Variants in ATAD3A observed in about 807,000 individuals in gnomAD.
The protein encoded by ATAD3A is ATPase family AAA domain-containing protein 3A.
Under a neutral mutation model 73.8 loss-of-function variants are expected in ATAD3A, and 46 were observed. That is an observed-to-expected ratio of 0.62 (90% CI 0.49 to 0.80). ATAD3A has a LOEUF of 0.80. Ranked by LOEUF, ATAD3A falls within the 30% of genes least tolerant of loss-of-function variation. ATAD3A has a pLI of 0.00. For missense variants in ATAD3A, 705 were observed against 838.0 expected, an observed-to-expected ratio of 0.84 and a Z score of 1.96; for synonymous variants, 319 against 350.0, an observed-to-expected ratio of 0.91 and a Z score of 0.99.
rs1217996571 is a variant in ATAD3A at position 1,512,422 on chromosome 1, C to T, written c.154C>T (p.Pro52Ser). Residue 52 changes from proline (P) to serine (S), a missense_variant, in exon 1 of 16, where the codon CCC (proline) becomes TCC (serine). Physicochemically the swap from Pro to Ser is moderately conservative, Grantham distance 74. Coordinates refer to ENST00000378756, the MANE Select transcript of ATAD3A (RefSeq NM_001170535.3). ...APKDKWSNFDPTGLERAAKAA... is the reference protein window; with the variant it reads ...APKDKWSNFDSTGLERAAKAA... ...CAAGGACAAATGGAGCAACTTCGAC[C>T]CCACCGGCCTGGAGCGCGCCGCCAA... 1.6e-6 allele frequency: 2 copies of T among 1,230,804 alleles called. No homozygotes were observed. The highest frequency in any genetic ancestry group is 6.7e-5 in the East Asian group (2 of 29,650). The allele number at this position is 1,230,804 out of a possible 1,614,324, so 76.2% of individuals were successfully genotyped here.
chr1:1,519,923 C>T (rs1328052358), intron 5 of ATAD3A, among the ~76,000 whole-genome samples: 11 of 152,096 alleles, frequency 7.2e-5, no homozygotes, highest in Non-Finnish European at 1.2e-4. Context: ...AGCCTATTGG[C>T]GGCGTGGGCC....
chr1:1,530,514 A>G (rs748944985), intron 15 of ATAD3A, among the ~76,000 whole-genome samples: 1 of 151,012 alleles, frequency 6.6e-6, no homozygotes, highest in Non-Finnish European at 1.5e-5. Context: ...CCTGGATTAC[A>G]GAGCAAGACC....
At chr1:1,519,878 G>C (rs1413671295) in intron 5 of ATAD3A, among the ~76,000 whole-genome samples, 1 of 152,280 alleles carries the variant, frequency 6.6e-6, no homozygotes, top group African/African-American at 2.4e-5. Context: ...ACCAAGGTCT[G>C]TGTGTGTCTG....
At chr1:1,521,296 C>G (rs904476185) in intron 7 of ATAD3A, among the ~76,000 whole-genome samples, 1 of 69,256 alleles carries the variant, frequency 1.4e-5, no homozygotes, top group Non-Finnish European at 2.4e-5. Context: ...GAGGCTTCTT[C>G]TCAAAAAAAA....
At chr1:1,528,579 G>A (rs1344155902) in intron 14 of ATAD3A, among the ~76,000 whole-genome samples, 1 of 152,264 alleles carries the variant, frequency 6.6e-6, no homozygotes, top group Non-Finnish European at 1.5e-5. Context: ...GGTGGGTGCA[G>A]CAGGCACGGT....
intron 1 of ATAD3A, 91 bp downstream of exon 1, chr1:1,512,564 C>G (rs1281875005): frequency 7.2e-7 from 1 of 1,394,416 alleles, no homozygotes; most frequent in Non-Finnish European, 9.5e-7. Flanking sequence ...TCGCCGCTGT[C>G]GGCAGCCACT....
chr1:1,522,407 C>T (rs1427311388), intron 7 of ATAD3A, among the ~76,000 whole-genome samples: 2 of 152,160 alleles, frequency 1.3e-5, no homozygotes, highest in African/African-American at 4.8e-5. Context: ...AATAAAGTAC[C>T]ATTTTTAGTG....
chr1:1,533,899 T>A (rs1642122790), intron 15 of ATAD3A, 27 bp from the exon 16 acceptor site: 18 of 1,606,998 alleles, frequency 1.1e-5, no homozygotes, highest in Non-Finnish European at 1.5e-5. Flanking sequence ...CATGGCGGCC[T>A]CCCTCAGCTG....
chr1:1,522,224 A>G lies in ATAD3A; in HGVS notation c.751-520A>G, dbSNP rs1352064094. ...CCAGCTAATTTTTTGTATTTTTAGT[A>G]GAGACGGGGTTTCTCCATGTGGGTT... On this transcript the variant is annotated intron_variant, in intron 7 of 15. Coordinates refer to ENST00000378756, the MANE Select transcript of ATAD3A (RefSeq NM_001170535.3). 3.3e-5 allele frequency among the ~76,000 whole-genome samples: 5 copies of G among 152,022 alleles called. No individual in the cohort carries two copies. In the South Asian group the frequency reaches 6.2e-4, roughly 19 times the overall value.
At chr1:1,524,024 G>T in intron 10 of ATAD3A, 60 bp downstream of exon 10, 2 of 1,610,616 alleles carry the variant, frequency 1.2e-6, no homozygotes, top group South Asian at 1.1e-5. Flanking sequence ...CTGCCTGCAG[G>T]TGTCTGGGGG....
At position 1,520,300 on chromosome 1, in the gene ATAD3A, C is replaced by A; in HGVS notation, c.674C>A (p.Ser225Tyr). 4 of 1,612,628 alleles carry A rather than the reference C, an allele frequency of 2.5e-6. No homozygotes were observed. Among genetic ancestry groups the A allele is most frequent in the Non-Finnish European group, 3.4e-6 (4 of 1,179,336 alleles). Residue 225 changes from serine to tyrosine, a missense_variant, in exon 6 of 16, where the codon TCC becomes TAC. By Grantham distance (144) the Ser-to-Tyr change is moderately radical (BLOSUM62 -2). Around this residue, in one of 5 missense-constraint regions of ATAD3A, gnomAD observed 315 missense variants for 334.1 expected, o/e 0.94. Transcript: ENST00000378756. This position sits in a 1 kb window ranked among gnomAD's most constrained non-coding sequence, Gnocchi z 4.0. ...AAEHRQTVLESIRTAGTLFGE... is the reference protein window; with the variant it reads ...AAEHRQTVLEYIRTAGTLFGE... ...GAGCACCGTCAGACCGTCTTGGAGT[C>A]CATCAGGTGAGCACTGCCGAGGCCC...
intron 12 of ATAD3A, 98 bp downstream of exon 12, chr1:1,525,389 C>A: frequency 4.5e-6 from 6 of 1,337,590 alleles, no homozygotes; most frequent in Non-Finnish European, 6.3e-6. Flanking sequence ...TTCTTTTTCT[C>A]TGTAAGCTTT....
In ATAD3A at chr1:1,516,064, G is replaced by T. The variant is rs1641345267; in HGVS notation, c.258G>T (p.Gln86His). ...NLAQMQEQTL[Q>H]LEQQSKLKEY... is the part of the protein sequence containing the mutation. ...CACAGATGCAGGAGCAGACGCTGCA[G>T]TTGGAGCAACAGTCCAAGCTCAAAG... The change falls in exon 2 of 16, where the codon CAG (glutamine) becomes CAT (histidine). Residue 86 changes from glutamine to histidine, a missense_variant. Transcript: ENST00000378756. 3 of 1,613,858 alleles carry T rather than the reference G, an allele frequency of 1.9e-6. No homozygotes were observed. The highest frequency in any genetic ancestry group is 1.7e-4 in the Middle Eastern group (1 of 5,868).
At position 1,534,532 on chromosome 1, in the gene ATAD3A, G is replaced by C. The variant is rs115273128; in HGVS notation, c.*460G>C. 98 of 488,856 alleles carry C rather than the reference G, an allele frequency of 2.0e-4. No homozygotes were observed. Among genetic ancestry groups the C allele is most frequent in the African/African-American group, 1.9e-3 (95 of 50,112 alleles). The allele number at this position is 488,856 out of a possible 1,614,324, so 30.3% of individuals were successfully genotyped here. A position where few individuals can be genotyped will look rare whatever the true frequency, so the allele number is the denominator to read the frequency against. ...CTGAACCCTGCTTCCCCCTGTGGCC[G>C]GCATGCCCCGATCTTTCACACACTG... On this transcript the variant is annotated 3_prime_UTR_variant, in exon 16 of 16. Transcript: ENST00000378756.
rs546887358 is a variant in ATAD3A at position 1,518,811 on chromosome 1, C to T, written c.445-110C>T. The T allele has an allele frequency of 4.5e-4, 717 of 1,598,658 alleles. 3 individuals carry two copies. Among genetic ancestry groups the T allele is most frequent in the South Asian group, 2.5e-3 (223 of 89,334 alleles). ...CGCAAACGGGCACCGTCACACCCCG[C>T]AAACGGGCACACTCACCCCCCTGCA... On this transcript the variant is annotated intron_variant, in intron 4 of 15. Transcript: ENST00000378756.
chr1:1,534,128 G>T lies in ATAD3A; in HGVS notation c.*56G>T. The T allele has an allele frequency of 6.2e-7, 1 of 1,612,252 alleles. No individual in the cohort carries two copies. Among genetic ancestry groups the T allele is most frequent in the Non-Finnish European group, 8.5e-7 (1 of 1,179,374 alleles). Reference sequence around the variant, plus strand: ...CTGGCCGCGGACCCCTCCCACCCCTGCCTTGCCGGCCCCTGCACATTTAGG... The same window carrying T: ...CTGGCCGCGGACCCCTCCCACCCCTTCCTTGCCGGCCCCTGCACATTTAGG... On this transcript the variant is annotated 3_prime_UTR_variant, in exon 16 of 16. Transcript: ENST00000378756.
At position 1,534,073 on chromosome 1, in the gene ATAD3A, G is replaced by A. The variant is rs141909095; in HGVS notation, c.*1G>A. The A allele has an allele frequency of 4.3e-6, 7 of 1,613,460 alleles. No homozygotes were observed. Among genetic ancestry groups the A allele is most frequent in the Non-Finnish European group, 5.9e-6 (7 of 1,179,894 alleles). On this transcript the variant is annotated 3_prime_UTR_variant, in exon 16 of 16. Transcript: ENST00000378756. ...TGGGGACGAGCCCTCCCCATCCTGA[G>A]TCCACAGGGAGATCCACAGCTCACG...
chr1:1,526,084 G>A (rs1177967036), intron 12 of ATAD3A, among the ~76,000 whole-genome samples: 2 of 151,230 alleles, frequency 1.3e-5, no homozygotes, highest in Non-Finnish European at 2.9e-5. Context: ...GTGCAGCGGT[G>A]CAATTTCAGC....
intron 2 of ATAD3A, chr1:1,517,063 A>C (rs1027518217): frequency 6.6e-7 from 1 of 1,503,762 alleles, no homozygotes; most frequent in African/African-American, 1.4e-5. Flanking sequence ...AGTGCAGTCC[A>C]AAAGGGGGTG....
Sources: gnomAD v4.1 joint callset for allele counts (sites outside exome capture counted in the v4.1 genomes callset) on GRCh38, gnomAD v4.1.1 for gene constraint, gnomAD v4.1.1 regional missense constraint, Gnocchi (gnomAD v3.1) non-coding constraint, MANE v1.5 for transcripts, NCBI Gene and HGNC (gene_info 2026-07-23, HGNC 2026-07-21) for gene names.